The following DGKI variants were observed in gnomAD, a reference collection of about 807,000 sequenced individuals.
The protein encoded by DGKI is DAG kinase iota.
Under a neutral mutation model 147.5 loss-of-function variants are expected in DGKI, and 55 were observed. The observed-to-expected ratio is 0.37, with a 90% CI of 0.30 to 0.47. DGKI has a LOEUF of 0.47. DGKI is among the 20% of genes least tolerant of loss of function. DGKI has a pLI of 1.00. For missense variants in DGKI, 1,007 were observed against 1,323.8 expected (o/e 0.76, Z 3.71); for synonymous variants, 469 against 477.1 (o/e 0.98, Z 0.22).
Position 137,385,152 on chromosome 7 carries a change from T to C in DGKI, c.*6068A>G, listed in dbSNP as rs1230265666. The stretch of plus-strand genomic sequence containing the variant: ...AATTTTACTTGACAATGACTAAGAA[T>C]ACTGATCAAAATTTATAAGCTTCCA... On this transcript the variant is annotated 3_prime_UTR_variant, in exon 33 of 33. Transcript: ENST00000614521. The C allele has an allele frequency of 1.3e-5, 2 of 152,134 alleles. No homozygotes were observed. Among genetic ancestry groups the C allele is most frequent in the East Asian group, 3.9e-4 (2 of 5,190 alleles). 9.4% of individuals were successfully genotyped at this position (152,134 alleles called of 1,614,324 possible). A position where few individuals can be genotyped will look rare whatever the true frequency, so the allele number is the denominator to read the frequency against.
At chr7:137,810,030 C>T (rs1444954048) in intron 1 of DGKI, among the ~76,000 whole-genome samples, 2 of 152,182 alleles carry the variant, frequency 1.3e-5, no homozygotes, top group Non-Finnish European at 1.5e-5. Context: ...AGCCAAGAGC[C>T]TCATATATTT....
At chr7:137,834,666 A>C (rs551696440) in intron 1 of DGKI, among the ~76,000 whole-genome samples, 1 of 152,352 alleles carries the variant, frequency 6.6e-6, no homozygotes, top group African/African-American at 2.4e-5. Context: ...GCACACTCTT[A>C]GAAAACAACA....
At chr7:137,398,449 T>C (rs1016230408) in intron 30 of DGKI, among the ~76,000 whole-genome samples, 1 of 152,202 alleles carries the variant, frequency 6.6e-6, no homozygotes, top group Admixed American at 6.6e-5. Flanking sequence ...AAACATTTGA[T>C]TGAATGGATG....
intron 2 of DGKI, among the ~76,000 whole-genome samples, chr7:137,682,477 A>G (rs1823272744): frequency 6.6e-6 from 1 of 152,164 alleles, no homozygotes; most frequent in Non-Finnish European, 1.5e-5. Context: ...AAAAATGCAT[A>G]AAGCCCAATG....
At chr7:137,399,825 G>A (rs1377520951) in intron 30 of DGKI, among the ~76,000 whole-genome samples, 9 of 151,730 alleles carry the variant, frequency 5.9e-5, no homozygotes, top group Non-Finnish European at 7.4e-5. Flanking sequence ...CAGGAAAATC[G>A]CTTGAATCCA....
intron 23 of DGKI, among the ~76,000 whole-genome samples, chr7:137,480,052 G>A (rs902103511): frequency 8.5e-5 from 13 of 152,152 alleles, no homozygotes; most frequent in African/African-American, 2.4e-4. Context: ...AGACAGTGGG[G>A]TAGAAGATAG....
intron 4 of DGKI, among the ~76,000 whole-genome samples, chr7:137,656,174 A>G (rs994808304): frequency 1.3e-5 from 2 of 152,220 alleles, no homozygotes; most frequent in Non-Finnish European, 2.9e-5. Context: ...GTAATGCTTG[A>G]ACTGAGATGA....
intron 21 of DGKI, among the ~76,000 whole-genome samples, chr7:137,500,649 T>C (rs1816138379): frequency 6.6e-6 from 1 of 152,120 alleles, no homozygotes; most frequent in Admixed American, 6.6e-5. Context: ...GGACCCTATA[T>C]ATGAGACTGA....
intron 28 of DGKI, among the ~76,000 whole-genome samples, chr7:137,438,933 C>T (rs866394727): frequency 1.2e-4 from 19 of 152,112 alleles, no homozygotes; most frequent in Admixed American, 3.9e-4. Flanking sequence ...TATATATCCA[C>T]GTATCCATTC....
chr7:137,761,357 G>A (rs1329794070), intron 1 of DGKI, among the ~76,000 whole-genome samples: 1 of 152,176 alleles, frequency 6.6e-6, no homozygotes, highest in Non-Finnish European at 1.5e-5. Flanking sequence ...CTTTGGTCAA[G>A]TTATTTACCC....
At chr7:137,796,567 T>C (rs1375874878) in intron 1 of DGKI, among the ~76,000 whole-genome samples, 1 of 149,900 alleles carries the variant, frequency 6.7e-6, no homozygotes, top group Non-Finnish European at 1.5e-5. Context: ...TAAAGGAAAA[T>C]ATGAGAATGA....
At chr7:137,680,765 A>C (rs950625855) in intron 2 of DGKI, among the ~76,000 whole-genome samples, 1 of 152,110 alleles carries the variant, frequency 6.6e-6, no homozygotes. Flanking sequence ...TGGGCAATGG[A>C]TCAATATTCT....
chr7:137,765,406 T>C (rs2116824587), intron 1 of DGKI, among the ~76,000 whole-genome samples: 1 of 152,340 alleles, frequency 6.6e-6, no homozygotes, highest in South Asian at 2.1e-4. Flanking sequence ...TATTTTTGTT[T>C]TTGTCATCGA....
chr7:137,417,188 AG>A (rs1383307175), intron 28 of DGKI, among the ~76,000 whole-genome samples: 1 of 152,212 alleles, frequency 6.6e-6, no homozygotes. Flanking sequence ...CTTCATACTA[AG>A]GAAACAATGC....
intron 13 of DGKI, among the ~76,000 whole-genome samples, chr7:137,585,822 C>G (rs1478154189): frequency 6.6e-6 from 1 of 152,120 alleles, no homozygotes; most frequent in African/African-American, 2.4e-5. Context: ...CCATTCTTCC[C>G]GTGACCTGAA....
At chr7:137,509,596 C>CAAAAAAGAGCAAAGA (rs1816506871) in intron 21 of DGKI, among the ~76,000 whole-genome samples, 1 of 152,166 alleles carries the variant, frequency 6.6e-6, no homozygotes, top group African/African-American at 2.4e-5. Context: ...AAGAAGGCGG[C>CAAAAAAGAGCAAAGA]AGCAGAGAGA....
chr7:137,554,081 T>A (rs1818139524), intron 19 of DGKI, among the ~76,000 whole-genome samples: 1 of 152,180 alleles, frequency 6.6e-6, no homozygotes, highest in Non-Finnish European at 1.5e-5. Context: ...GTAGAGTTAA[T>A]AACTGTCAAT....
chr7:137,739,899 T>C (rs757156260), intron 1 of DGKI, among the ~76,000 whole-genome samples: 2 of 152,214 alleles, frequency 1.3e-5, no homozygotes, highest in Non-Finnish European at 2.9e-5. Context: ...GGTCTGTCTC[T>C]GCTAAGTGAG....
chr7:137,731,241 T>C (rs1794875969), intron 1 of DGKI, among the ~76,000 whole-genome samples: 1 of 152,094 alleles, frequency 6.6e-6, no homozygotes, highest in Admixed American at 6.6e-5. Flanking sequence ...ACCGTCTTCA[T>C]TCACTCTGCT....
Sources: allele counts gnomAD v4.1 joint callset (sites outside exome capture counted in the v4.1 genomes callset), GRCh38; gene constraint gnomAD v4.1.1; transcripts MANE v1.5; gene names NCBI Gene and HGNC (gene_info 2026-07-23, HGNC 2026-07-21).